Variants in PJA2 observed in about 807,000 individuals in gnomAD.
PJA2 encodes the protein E3 ubiquitin-protein ligase Praja-2.
A neutral mutation model predicts 69.3 loss-of-function variants in PJA2; 25 were observed. That is an observed-to-expected ratio of 0.36 (90% confidence interval 0.26 to 0.50). The LOEUF is 0.50. Ranked by LOEUF, PJA2 falls within the 20% of genes least tolerant of loss-of-function variation. The pLI, the probability that PJA2 is intolerant of heterozygous loss-of-function variation, is 0.96. For synonymous variants in PJA2, 308 were observed against 277.8 expected (o/e 1.11, Z -1.08); for missense variants, 809 against 830.2 (o/e 0.97, Z 0.31).
chr5:109,359,002 A>AG (rs1762467967), intron 6 of PJA2, among the ~76,000 whole-genome samples: 1 of 152,156 alleles, frequency 6.6e-6, no homozygotes, highest in Non-Finnish European at 1.5e-5. Flanking sequence ...TGAGCTGGGT[A>AG]GGTGGGTACC....
intron 1 of PJA2, among the ~76,000 whole-genome samples, chr5:109,392,968 A>T (rs549723520): frequency 3.9e-5 from 6 of 152,296 alleles, no homozygotes; most frequent in Non-Finnish European, 7.4e-5. Flanking sequence ...GGCAACAAAA[A>T]CTAAAATTTC....
intron 1 of PJA2, among the ~76,000 whole-genome samples, chr5:109,405,588 A>G (rs1747667333): frequency 6.6e-6 from 1 of 152,254 alleles, no homozygotes; most frequent in Non-Finnish European, 1.5e-5. Context: ...GTACAGGAAC[A>G]GATTTACATA....
chr5:109,355,027 G>A (rs1762389254), intron 7 of PJA2, among the ~76,000 whole-genome samples: 1 of 152,106 alleles, frequency 6.6e-6, no homozygotes. Context: ...GACAGGCTAA[G>A]GTGGGCTGAT....
chr5:109,349,163 T>A (rs1762212544), intron 7 of PJA2, among the ~76,000 whole-genome samples: 2 of 152,216 alleles, frequency 1.3e-5, no homozygotes, highest in Non-Finnish European at 2.9e-5. Context: ...AATTTAAATG[T>A]GCATTGAAAG....
At chr5:109,388,386 CA>C (rs1473610109) in intron 1 of PJA2, among the ~76,000 whole-genome samples, 2 of 152,174 alleles carry the variant, frequency 1.3e-5, no homozygotes, top group Non-Finnish European at 2.9e-5. Flanking sequence ...AGACTTGAAC[CA>C]AAATCAGCAA....
chr5:109,386,943 T>G (rs1432796452), intron 1 of PJA2, among the ~76,000 whole-genome samples: 1 of 152,198 alleles, frequency 6.6e-6, no homozygotes, highest in Non-Finnish European at 1.5e-5. Flanking sequence ...ATGTTTAAAT[T>G]TTTCCTACAC....
At chr5:109,388,278 C>T (rs1747203951) in intron 1 of PJA2, among the ~76,000 whole-genome samples, 1 of 152,164 alleles carries the variant, frequency 6.6e-6, no homozygotes, top group Non-Finnish European at 1.5e-5. Context: ...CTTCCGGCAA[C>T]AGCCACATGG....
intron 4 of PJA2, among the ~76,000 whole-genome samples, chr5:109,369,065 T>A (rs537264): frequency 1.3e-5 from 2 of 152,166 alleles, no homozygotes; most frequent in East Asian, 3.9e-4. Flanking sequence ...GCCTTGTTCC[T>A]GCTCTGCATT....
chr5:109,400,645 C>T (rs1251060025), intron 1 of PJA2, among the ~76,000 whole-genome samples: 1 of 152,090 alleles, frequency 6.6e-6, no homozygotes, highest in African/African-American at 2.4e-5. Context: ...CAAAAATGTA[C>T]ACATATCCCA....
chr5:109,342,818 CGGGA>C (rs1762100406), intron 9 of PJA2, among the ~76,000 whole-genome samples: 1 of 89,444 alleles, frequency 1.1e-5, no homozygotes, highest in Non-Finnish European at 2.3e-5. Context: ...CCGCCCCGTC[CGGGA>C]GGGAGGTTGG....
At chr5:109,367,480 G>C (rs928796378) in intron 5 of PJA2, among the ~76,000 whole-genome samples, 1 of 151,630 alleles carries the variant, frequency 6.6e-6, no homozygotes, top group East Asian at 1.9e-4. Flanking sequence ...TTATCAAAAA[G>C]ATATTCTACA....
At chr5:109,344,128 T>C (rs1484814751) in intron 9 of PJA2, 62 bp downstream of exon 9, 4 of 998,870 alleles carry the variant, frequency 4.0e-6, no homozygotes, top group Non-Finnish European at 5.6e-6. Context: ...AAAGATACTA[T>C]TATTCACTTG....
rs529719524 is a variant in PJA2, at chr5:109,339,765, T to A, written c.2002-2409A>T. Among the ~76,000 whole-genome samples, 3 of 152,372 alleles carry A rather than the reference T, an allele frequency of 2.0e-5. No homozygotes were observed. In the South Asian group the frequency reaches 6.2e-4, roughly 32 times the overall value. ...CATTACTTTTCCTATATGTTTACTA[T>A]GTGCCAAACACTATATTAAATTCAT... On this transcript the variant is annotated intron_variant, in intron 9 of 9. Coordinates refer to ENST00000361189, the MANE Select transcript of PJA2 (RefSeq NM_014819.5).
chr5:109,360,237 AAAG>A (rs1307909913), intron 6 of PJA2, among the ~76,000 whole-genome samples: 7 of 152,220 alleles, frequency 4.6e-5, no homozygotes, highest in African/African-American at 1.4e-4. Flanking sequence ...AGGAGTTATC[AAAG>A]AATAAACAAA....
chr5:109,372,905 CAAAAAAAAA>C lies in PJA2; in HGVS notation c.1284-4168_1284-4160del, dbSNP rs528408590. ...TGGCAACTAGAGCAACACTCCGTCTCAAAAAAAAAAAAAAAAAAAAAGAAAGAAAGAAAA... is the reference window on the plus strand; with the variant it reads ...TGGCAACTAGAGCAACACTCCGTCTCAAAAAAAAAAAAGAAAGAAAGAAAA... On this transcript the variant is annotated intron_variant, in intron 4 of 9. Transcript: ENST00000361189. Among the ~76,000 whole-genome samples the C allele has an allele frequency of 1.4e-3, 49 of 35,700 alleles. 2 individuals are homozygous for C. The highest frequency in any genetic ancestry group is 3.1e-3 in the African/African-American group (42 of 13,404). The allele number at this position is 35,700 out of a possible 152,430, so 23.4% of individuals were successfully genotyped here. A position where few individuals can be genotyped will look rare whatever the true frequency, so the allele number is the denominator to read the frequency against.
chr5:109,353,599 A>C (rs1355674764), intron 7 of PJA2, among the ~76,000 whole-genome samples: 1 of 135,952 alleles, frequency 7.4e-6, no homozygotes, highest in Admixed American at 7.5e-5. Context: ...AGATATCTAT[A>C]ATATCATAGA....
At chr5:109,383,323 CATATGTCA>C in intron 2 of PJA2, 72 bp downstream of exon 2, 1 of 1,246,604 alleles carries the variant, frequency 8.0e-7, no homozygotes, top group East Asian at 2.3e-5. Flanking sequence ...GTCAGATGAT[CATATGTCA>C]CTTACTGGTA....
At chr5:109,406,138 G>T (rs1232251168) in intron 1 of PJA2, among the ~76,000 whole-genome samples, 1 of 151,434 alleles carries the variant, frequency 6.6e-6, no homozygotes, top group Non-Finnish European at 1.5e-5. Context: ...CCACCTCCCG[G>T]GTTCACGCCA....
chr5:109,400,210 G>A lies in PJA2; in HGVS notation c.-88+9632C>T, dbSNP rs996597987. 2.0e-5 allele frequency among the ~76,000 whole-genome samples: 3 copies of A among 151,714 alleles called. No individual in the cohort carries two copies. The East Asian group carries it at 5.8e-4, about 29-fold the overall frequency. ...GAGGCTGAGGTACGGAGAATCGCTT[G>A]AAGTCGGGAGGCAGAGGTTGCAGTG... On this transcript the variant is annotated intron_variant, in intron 1 of 9. Coordinates refer to ENST00000361189, the MANE Select transcript of PJA2 (RefSeq NM_014819.5).
Sources: gnomAD v4.1 joint callset for allele counts (sites outside exome capture counted in the v4.1 genomes callset) on GRCh38, gnomAD v4.1.1 for gene constraint, MANE v1.5 for transcripts, NCBI Gene and HGNC (gene_info 2026-07-23, HGNC 2026-07-21) for gene names.